WDR20: variants seen among roughly 807,000 people sequenced by gnomAD.
WDR20 encodes the protein WD repeat domain 20.
Under a neutral mutation model 38.7 loss-of-function variants are expected in WDR20, and 3 were observed. That is an observed-to-expected ratio of 0.08 (90% CI 0.04 to 0.20). The LOEUF (loss-of-function observed/expected upper bound fraction) is 0.20, where lower values mean the gene tolerates loss of function less well. Among genes scored for constraint, WDR20 ranks in the 10% least tolerant of loss-of-function variants. The pLI is 1.00. For missense variants in WDR20, 559 were observed against 727.7 expected, an observed-to-expected ratio of 0.77 and a Z score of 2.67; for synonymous variants, 298 against 285.6, an observed-to-expected ratio of 1.04 and a Z score of -0.44.
chr14:102,222,694 G>T lies in WDR20; in HGVS notation c.1693-136G>T. The T allele has an allele frequency of 2.4e-6, 2 of 825,486 alleles. No homozygotes were observed. Among genetic ancestry groups the T allele is most frequent in the Admixed American group, 2.0e-5 (1 of 50,606 alleles). The allele number at this position is 825,486 out of a possible 1,614,324, so 51.1% of individuals were successfully genotyped here. On this transcript the variant is annotated intron_variant, in intron 3 of 3. Coordinates refer to the WDR20 transcript ENST00000335263. The surrounding 1 kb of genome is among the most constrained non-coding windows in gnomAD (Gnocchi z 4.4). Reference sequence around the variant, plus strand: ...GGATAGGAATTAAATAGATGAAGTGGAGGGTTTGCTCCCACACTGGCTTCC... The same window carrying T: ...GGATAGGAATTAAATAGATGAAGTGTAGGGTTTGCTCCCACACTGGCTTCC...
In WDR20 at chr14:102,209,217, G is replaced by A; in HGVS notation, c.1047G>A (p.Gln349=). The A allele has an allele frequency of 6.2e-7, 1 of 1,614,178 alleles. No homozygotes were observed. Among genetic ancestry groups the A allele is most frequent in the Non-Finnish European group, 8.5e-7 (1 of 1,180,034 alleles). Residue 349 remains glutamine (Q), a synonymous_variant, in exon 3 of 3, where the codon CAG becomes CAA. Coordinates refer to ENST00000342702, the MANE Select transcript of WDR20 (RefSeq NM_144574.4). The surrounding 1 kb of genome is among the most constrained non-coding windows in gnomAD (Gnocchi z 6.0). ...GCAGAGATCGAGCAAATAGTACACAGTCCAGGCTCTCCAAACGGAACTCTA... is the reference window on the plus strand; with the variant it reads ...GCAGAGATCGAGCAAATAGTACACAATCCAGGCTCTCCAAACGGAACTCTA... ...HFGRDRANST[Q]SRLSKRNSTD... is the part of the protein sequence containing the mutation.
chr14:102,194,973 A>T lies in WDR20; in HGVS notation c.285A>T (p.Ile95=), dbSNP rs1326518914. The T allele has an allele frequency of 3.1e-6, 5 of 1,614,240 alleles. No homozygotes were observed. The highest frequency in any genetic ancestry group is 4.2e-6 in the Non-Finnish European group (5 of 1,180,040). Residue 95 remains isoleucine, a synonymous_variant, in exon 2 of 3, where the codon ATA becomes ATT. Transcript: ENST00000342702. ...TGAGTAAACCAATAGATAAAAGGATATACAAAGGAACACAGCCTACTTGTC... is the reference window on the plus strand; with the variant it reads ...TGAGTAAACCAATAGATAAAAGGATTTACAAAGGAACACAGCCTACTTGTC... ...ADLSKPIDKR[I]YKGTQPTCHD...
rs1456151344 is a variant in WDR20 at position 102,222,613 on chromosome 14, C to T, written c.1693-217C>T. On this transcript the variant is annotated intron_variant, in intron 3 of 3. Transcript: ENST00000335263. This position sits in a 1 kb window ranked among gnomAD's most constrained non-coding sequence, Gnocchi z 4.4. ...GCCCTTCTCTTGGACGGTATTGAGG[C>T]CACAGTATTGCACCCAGCAGGGTTC... 6.6e-6 allele frequency among the ~76,000 whole-genome samples: 1 copy of T among 152,154 alleles called. No individual in the cohort carries two copies. Among genetic ancestry groups the T allele is most frequent in the Non-Finnish European group, 1.5e-5 (1 of 68,024 alleles).
At chr14:102,139,842 G>C, upstream of WDR20, 1 of 1,559,418 alleles carries the variant, frequency 6.4e-7, no homozygotes, top group East Asian at 2.3e-5. Flanking sequence ...CAGGGGGTGG[G>C]GGAAGAGGGA....
At chr14:102,178,780 C>T (rs1029199623) in intron 1 of WDR20, 16 of 152,186 alleles carry the variant, frequency 1.1e-4, no homozygotes, top group Admixed American at 2.6e-4. Context: ...TGATTTGTTT[C>T]TATCTCATCA....
chr14:102,194,825 T>C, intron 1 of WDR20, 113 bp from the exon 2 acceptor site: 1 of 1,213,568 alleles, frequency 8.2e-7, no homozygotes, highest in Non-Finnish European at 1.2e-6. Flanking sequence ...AAAAACATTT[T>C]AAATCACTTT....
rs1165525951 is a variant in WDR20 at position 102,210,402 on chromosome 14, GTTGA to G, written c.*528_*531del. 1.5e-5 allele frequency: 15 copies of G among 985,356 alleles called. No individual in the cohort carries two copies. The highest frequency in any genetic ancestry group is 1.0e-4 in the African/African-American group (6 of 57,210). 61.0% of individuals were successfully genotyped at this position (985,356 alleles called of 1,614,324 possible). On this transcript the variant is annotated 3_prime_UTR_variant, in exon 3 of 3. Transcript: ENST00000342702. The stretch of plus-strand genomic sequence containing the variant: ...CTTTAGGAACAAAACGTTTAGCAGG[GTTGA>G]TTGATATTATTTTTACATTGTTCTG...
At chr14:102,216,165 A>C (rs1359480314), downstream of WDR20, among the ~76,000 whole-genome samples, 3 of 152,208 alleles carry the variant, frequency 2.0e-5, no homozygotes, top group Non-Finnish European at 4.4e-5. Flanking sequence ...CAGAGCCTCC[A>C]GTGCTGAACT....
chr14:102,209,352 C>T lies in WDR20; in HGVS notation c.1182C>T (p.Leu394=). The T allele has an allele frequency of 6.2e-7, 1 of 1,614,200 alleles. No individual in the cohort carries two copies. Among genetic ancestry groups the T allele is most frequent in the Non-Finnish European group, 8.5e-7 (1 of 1,180,056 alleles). ...TEDILFPHQP[L]SRARTHTNVM... ...ATATCCTTTTCCCTCACCAACCCCT[C>T]TCAAGAGCAAGGACACACACAAATG... Residue 394 remains leucine (L), a synonymous_variant, in exon 3 of 3, where the codon CTC becomes CTT. Transcript: ENST00000342702. The surrounding 1 kb of genome is among the most constrained non-coding windows in gnomAD (Gnocchi z 6.0).
intron 1 of WDR20, among the ~76,000 whole-genome samples, chr14:102,171,025 G>A (rs532678254): frequency 2.0e-5 from 3 of 151,946 alleles, no homozygotes; most frequent in Admixed American, 6.6e-5. Flanking sequence ...GCAGTGGCGC[G>A]ATCTCAGCTC....
chr14:102,178,177 A>G (rs2062572419), intron 1 of WDR20, among the ~76,000 whole-genome samples: 1 of 151,992 alleles, frequency 6.6e-6, no homozygotes, highest in African/African-American at 2.4e-5. Flanking sequence ...GGATCGCTTG[A>G]GGTCAGGAGT....
At chr14:102,216,270 C>T (rs556827008), downstream of WDR20, among the ~76,000 whole-genome samples, 2 of 152,348 alleles carry the variant, frequency 1.3e-5, no homozygotes, top group African/African-American at 2.4e-5. Flanking sequence ...CTACGACTGC[C>T]ACAAGAGTGC....
intron 2 of WDR20, among the ~76,000 whole-genome samples, chr14:102,200,976 C>G (rs1241831642): frequency 1.3e-5 from 2 of 152,220 alleles, no homozygotes; most frequent in Non-Finnish European, 2.9e-5. Flanking sequence ...TGGGGTAAAG[C>G]TTAGCAGTGT....
In WDR20 at chr14:102,200,456, A is replaced by ATT. The variant is rs1460888139; in HGVS notation, c.432+5336_432+5337insTT. ...ACAGGGGCGAGGAGTTTACTTTTTAAATTTTTTTTTTTGTGTGTGTGTGTG... is the reference window on the plus strand; with the variant it reads ...ACAGGGGCGAGGAGTTTACTTTTTAATTATTTTTTTTTTTGTGTGTGTGTGTG... On this transcript the variant is annotated intron_variant, in intron 2 of 2. Coordinates refer to ENST00000342702, the MANE Select transcript of WDR20 (RefSeq NM_144574.4). Among the ~76,000 whole-genome samples the ATT allele has an allele frequency of 4.8e-3, 370 of 76,602 alleles. 4 individuals carry two copies. The highest frequency in any genetic ancestry group is 0.026 in the Admixed American group (210 of 7,936). 50.3% of individuals were successfully genotyped at this position (76,602 alleles called of 152,430 possible).
At chr14:102,202,498 A>AG (rs1373683313) in intron 2 of WDR20, among the ~76,000 whole-genome samples, 3 of 142,448 alleles carry the variant, frequency 2.1e-5, no homozygotes, top group Non-Finnish European at 4.5e-5. Flanking sequence ...CTCCTGCCTC[A>AG]CCACCTGAGT....
rs551774934 is a variant in WDR20, at chr14:102,147,617, A to G, written c.249+7445A>G. On this transcript the variant is annotated intron_variant, in intron 1 of 2. Coordinates refer to ENST00000342702, the MANE Select transcript of WDR20 (RefSeq NM_144574.4). ...ATCATTGACTTAATATAGTGACTTA[A>G]GGGTAAAGTGCTTTGATGGCAAACT... Among the ~76,000 whole-genome samples, 8 of 152,354 alleles carry G rather than the reference A, an allele frequency of 5.3e-5. No homozygotes were observed. In the South Asian group the frequency reaches 1.7e-3, roughly 32 times the overall value.
chr14:102,189,287 T>C (rs1566972931), intron 1 of WDR20, among the ~76,000 whole-genome samples: 1 of 152,210 alleles, frequency 6.6e-6, no homozygotes, highest in Non-Finnish European at 1.5e-5. Flanking sequence ...GTTTACTTAC[T>C]GATCGAGGCT....
At chr14:102,202,869 T>C (rs1373038686) in intron 2 of WDR20, among the ~76,000 whole-genome samples, 2 of 152,166 alleles carry the variant, frequency 1.3e-5, no homozygotes. Context: ...TCTTAGGATG[T>C]TACTATTCGC....
intron 1 of WDR20, among the ~76,000 whole-genome samples, chr14:102,173,098 G>GT (rs1367045131): frequency 6.6e-6 from 1 of 151,692 alleles, no homozygotes; most frequent in Admixed American, 6.6e-5. Context: ...GGGATGGCCT[G>GT]TTTTTTATTT....
Sources: gnomAD v4.1 joint callset for allele counts (sites outside exome capture counted in the v4.1 genomes callset) on GRCh38, gnomAD v4.1.1 for gene constraint, Gnocchi (gnomAD v3.1) non-coding constraint, MANE v1.5 for transcripts, NCBI Gene and HGNC (gene_info 2026-07-23, HGNC 2026-07-21) for gene names.